The following EFNA5 variants were observed in gnomAD, a reference collection of about 807,000 sequenced individuals.
The protein encoded by EFNA5 is ephrin A5, also known as ephrin-A5.
In EFNA5, 5 loss-of-function variants were observed where a neutral mutation model predicts 22.9. The ratio of observed to expected loss-of-function variants is 0.22; its 90% confidence interval spans 0.11 to 0.46. The LOEUF (loss-of-function observed/expected upper bound fraction) is 0.46. Ranked by LOEUF, EFNA5 falls within the 20% of genes least tolerant of loss-of-function variation. The probability of loss-of-function intolerance (pLI) is 0.99; values close to 1 mark genes in which losing one functional copy is unlikely to be tolerated. For synonymous variants in EFNA5, 113 were observed against 112.2 expected (o/e 1.01, Z -0.04); for missense variants, 237 against 293.3 (o/e 0.81, Z 1.40).
intron 2 of EFNA5, among the ~76,000 whole-genome samples, chr5:107,423,625 G>T (rs1748730794): frequency 6.6e-6 from 1 of 152,068 alleles, no homozygotes; most frequent in Non-Finnish European, 1.5e-5. Context: ...TCAATTGACT[G>T]GCAGTTCTGC....
Position 107,379,901 on chromosome 5 carries a change from G to C in EFNA5, c.*1354C>G, listed in dbSNP as rs1747388657. 1 of 151,866 alleles carries C rather than the reference G, an allele frequency of 6.6e-6. No individual in the cohort carries two copies. The highest frequency in any genetic ancestry group is 1.5e-5 in the Non-Finnish European group (1 of 67,970). The allele number at this position is 151,866 out of a possible 1,614,324, so 9.4% of individuals were successfully genotyped here. A position where few individuals can be genotyped will look rare whatever the true frequency, so the allele number is the denominator to read the frequency against. ...TAAATAATGTATTTTCTATTCTAGT[G>C]GATTTTTAAAAAAATATTTTGTTAA... is the stretch of plus-strand genomic sequence containing the variant. On this transcript the variant is annotated 3_prime_UTR_variant, in exon 5 of 5. Transcript: ENST00000333274.
chr5:107,572,269 G>C (rs199981823), intron 1 of EFNA5, among the ~76,000 whole-genome samples: 2 of 152,174 alleles, frequency 1.3e-5, no homozygotes, highest in African/African-American at 2.4e-5. Context: ...GTTTAGACCG[G>C]GGGAAGGAGA....
chr5:107,499,622 G>A (rs1276463174), intron 1 of EFNA5, among the ~76,000 whole-genome samples: 1 of 152,156 alleles, frequency 6.6e-6, no homozygotes, highest in Non-Finnish European at 1.5e-5. Context: ...GACTAGCATT[G>A]GCCTATATGT....
rs150313658 is a variant in EFNA5 at position 107,604,462 on chromosome 5, A to G, written c.125+66027T>C. ...ATAAGAAATAAACATGAGCTGGAAG[A>G]GAGAAACAGAACACTAGTCTCAGTG... On this transcript the variant is annotated intron_variant, in intron 1 of 4. Transcript: ENST00000333274. 2.5e-3 allele frequency among the ~76,000 whole-genome samples: 374 copies of G among 152,306 alleles called. 1 individual carries two copies. The highest frequency in any genetic ancestry group is 8.7e-3 in the African/African-American group (361 of 41,564).
intron 1 of EFNA5, among the ~76,000 whole-genome samples, chr5:107,467,686 G>A (rs1750027704): frequency 6.6e-6 from 1 of 152,128 alleles, no homozygotes; most frequent in African/African-American, 2.4e-5. Context: ...GGGCTTTATT[G>A]ACCTAGAAGT....
rs190077939 is a variant in EFNA5, at chr5:107,569,740, T to C, written c.125+100749A>G. On this transcript the variant is annotated intron_variant, in intron 1 of 4. Coordinates refer to ENST00000333274, the MANE Select transcript of EFNA5 (RefSeq NM_001962.3). ...GGTGGCATGTGCCTGTAATCCCAGC[T>C]ACTTGGGAGGCTGAGGCAGGAGAAT... is the stretch of plus-strand genomic sequence containing the variant. Among the ~76,000 whole-genome samples, 135 of 146,526 alleles carry C rather than the reference T, an allele frequency of 9.2e-4. 2 individuals carry two copies. Among genetic ancestry groups the C allele is most frequent in the Middle Eastern group, 3.6e-3 (1 of 274 alleles).
intron 1 of EFNA5, among the ~76,000 whole-genome samples, chr5:107,532,386 C>A (rs1231217767): frequency 6.6e-6 from 1 of 152,206 alleles, no homozygotes; most frequent in Non-Finnish European, 1.5e-5. Context: ...CCTGACTGCC[C>A]AGTGAAACTG....
intron 1 of EFNA5, among the ~76,000 whole-genome samples, chr5:107,669,777 G>T (rs1200593095): frequency 6.6e-6 from 1 of 152,070 alleles, no homozygotes; most frequent in East Asian, 1.9e-4. Context: ...CTGCACACAT[G>T]ACGTAACCCG....
chr5:107,660,857 C>T (rs1286137059), intron 1 of EFNA5, among the ~76,000 whole-genome samples: 1 of 152,096 alleles, frequency 6.6e-6, no homozygotes, highest in Non-Finnish European at 1.5e-5. Context: ...CTGTCAGAAG[C>T]ACCACTATTT....
At chr5:107,636,928 A>T (rs963955500) in intron 1 of EFNA5, among the ~76,000 whole-genome samples, 3 of 152,236 alleles carry the variant, frequency 2.0e-5, no homozygotes, top group African/African-American at 4.8e-5. Flanking sequence ...AGAGCAAAGC[A>T]AGCATTTCAG....
chr5:107,382,082 G>A (rs1347312918), intron 4 of EFNA5, among the ~76,000 whole-genome samples: 1 of 152,116 alleles, frequency 6.6e-6, no homozygotes, highest in African/African-American at 2.4e-5. Context: ...CTGAAGCTTG[G>A]CACATAAATT....
In EFNA5 at chr5:107,448,866, T is replaced by TAAATAAATAAATAAATAAAATA. The variant is rs111606856; in HGVS notation, c.126-21358_126-21357insTATTTTATTTATTTATTTATTT. Among the ~76,000 whole-genome samples the TAAATAAATAAATAAATAAAATA allele has an allele frequency of 5.1e-4, 72 of 141,368 alleles. 1 individual carries two copies. The highest frequency in any genetic ancestry group is 3.0e-3 in the East Asian group (14 of 4,600). The allele number at this position is 141,368 out of a possible 152,430, so 92.7% of individuals were successfully genotyped here. ...ATAAATAAATAAATAAATAAATAAA[T>TAAATAAATAAATAAATAAAATA]AAATAAAATAAAATAAAAACAAAAA... is the stretch of plus-strand genomic sequence containing the variant. On this transcript the variant is annotated intron_variant, in intron 1 of 4. Coordinates refer to ENST00000333274, the MANE Select transcript of EFNA5 (RefSeq NM_001962.3).
In EFNA5 at chr5:107,431,850, T is replaced by C. The variant is rs111772219; in HGVS notation, c.126-4341A>G. On this transcript the variant is annotated intron_variant, in intron 1 of 4. Transcript: ENST00000333274. ...AAATCCTCGAAACAACCCTATTTTG[T>C]AGTTTTAATTAGTTTCACTTTACCA... is the stretch of plus-strand genomic sequence containing the variant. Among the ~76,000 whole-genome samples, 805 of 152,324 alleles carry C rather than the reference T, an allele frequency of 5.3e-3. 7 individuals are homozygous for C. The highest frequency in any genetic ancestry group is 0.018 in the African/African-American group (737 of 41,560).
chr5:107,534,378 C>G (rs189710008), intron 1 of EFNA5, among the ~76,000 whole-genome samples: 60 of 152,298 alleles, frequency 3.9e-4, no homozygotes, highest in Admixed American at 7.8e-4. Context: ...GCAACACATG[C>G]AAACTGCATG....
intron 1 of EFNA5, among the ~76,000 whole-genome samples, chr5:107,516,174 TTGTGTGTGTGTGTGTGTGTGTG>T (rs59824895): frequency 2.9e-5 from 4 of 139,512 alleles, no homozygotes; most frequent in Admixed American, 7.3e-5. Flanking sequence ...CTGGCTAGTT[TTGTGTGTGTGTGTGTGTGTGTG>T]TGTGTGTGTG....
chr5:107,390,833 C>T (rs972128687), intron 2 of EFNA5, among the ~76,000 whole-genome samples: 2 of 152,118 alleles, frequency 1.3e-5, no homozygotes, highest in Admixed American at 6.5e-5. Flanking sequence ...CATATTACTG[C>T]AGCTTCATCT....
intron 1 of EFNA5, among the ~76,000 whole-genome samples, chr5:107,659,496 CTTTTTTT>C (rs550340874): frequency 3.9e-5 from 5 of 129,258 alleles, no homozygotes; most frequent in Non-Finnish European, 8.3e-5. Context: ...TTGGGTTTTC[CTTTTTTT>C]TTTTTTTTTT....
rs1411702529 is a variant in EFNA5, at chr5:107,670,820, G to A, written c.-207C>T. On this transcript the variant is annotated 5_prime_UTR_variant, in exon 1 of 5. Transcript: ENST00000333274. The stretch of plus-strand genomic sequence containing the variant: ...CGAGAAGAAAAGAAGGCGGTGGGAT[G>A]GGGGGTGATAAAGACAAACTCGCAC... 1.3e-5 allele frequency: 8 copies of A among 625,746 alleles called. No homozygotes were observed. The highest frequency in any genetic ancestry group is 2.2e-5 in the Non-Finnish European group (8 of 371,214). 38.8% of individuals were successfully genotyped at this position (625,746 alleles called of 1,614,324 possible). A position where few individuals can be genotyped will look rare whatever the true frequency, so the allele number is the denominator to read the frequency against.
At position 107,604,846 on chromosome 5, in the gene EFNA5, C is replaced by T. The variant is rs141911980; in HGVS notation, c.125+65643G>A. ...ATTCCCATCACGGTAGTTCACTCAG[C>T]GGTTCACTGTCTCACTTAGTGCTTA... On this transcript the variant is annotated intron_variant, in intron 1 of 4. Coordinates refer to ENST00000333274, the MANE Select transcript of EFNA5 (RefSeq NM_001962.3). Among the ~76,000 whole-genome samples the T allele has an allele frequency of 5.3e-5, 8 of 152,186 alleles. No homozygotes were observed. In the East Asian group the frequency reaches 1.4e-3, roughly 26 times the overall value.
Sources: gnomAD v4.1 joint callset for allele counts (sites outside exome capture counted in the v4.1 genomes callset) on GRCh38, gnomAD v4.1.1 for gene constraint, MANE v1.5 for transcripts, NCBI Gene and HGNC (gene_info 2026-07-23, HGNC 2026-07-21) for gene names.